PBRM1: variants seen among roughly 807,000 people sequenced by gnomAD.
The protein encoded by PBRM1 is protein polybromo-1.
In PBRM1, 27 loss-of-function variants were observed where a neutral mutation model predicts 194.5. The ratio of observed to expected loss-of-function variants is 0.14; its 90% CI spans 0.10 to 0.19. The LOEUF is 0.19. Among genes scored for constraint, PBRM1 ranks in the 10% least tolerant of loss-of-function variants. The pLI, the probability that PBRM1 is intolerant of heterozygous loss-of-function variation, is 1.00. For missense variants in PBRM1, 1,466 were observed against 2,077.2 expected (o/e 0.71, Z 5.72); for synonymous variants, 655 against 693.2 (o/e 0.94, Z 0.87).
intron 20 of PBRM1, among the ~76,000 whole-genome samples, chr3:52,584,849 G>C (rs1310864605): frequency 6.6e-6 from 1 of 151,994 alleles, no homozygotes; most frequent in Non-Finnish European, 1.5e-5. Context: ...AGAACAGTAA[G>C]CCCCTTTGTC....
chr3:52,583,625 C>A (rs1226653375), intron 20 of PBRM1, among the ~76,000 whole-genome samples: 1 of 152,004 alleles, frequency 6.6e-6, no homozygotes, highest in East Asian at 1.9e-4. Flanking sequence ...CCCCCCTAGA[C>A]CCTAAAGAGC....
At chr3:52,633,258 T>C (rs1279636789) in intron 11 of PBRM1, among the ~76,000 whole-genome samples, 1 of 152,160 alleles carries the variant, frequency 6.6e-6, no homozygotes, top group Non-Finnish European at 1.5e-5. Flanking sequence ...AATACTCATA[T>C]CAATAGAATC....
intron 4 of PBRM1, among the ~76,000 whole-genome samples, chr3:52,660,991 C>A (rs892025897): frequency 1.3e-5 from 2 of 152,086 alleles, no homozygotes; most frequent in Admixed American, 1.3e-4. Flanking sequence ...CTCTACTATT[C>A]TTTTTTCTCT....
chr3:52,668,913 T>C (rs1391936059), intron 2 of PBRM1, among the ~76,000 whole-genome samples: 2 of 152,142 alleles, frequency 1.3e-5, no homozygotes, highest in African/African-American at 2.4e-5. Flanking sequence ...GTCTTTTATA[T>C]GCTAACTGTT....
chr3:52,605,221 A>T (rs983161617), intron 16 of PBRM1, among the ~76,000 whole-genome samples: 7 of 152,050 alleles, frequency 4.6e-5, no homozygotes, highest in Admixed American at 3.3e-4. Context: ...TAATTTTAAA[A>T]TTTTTTGTAG....
chr3:52,657,844 A>G (rs533923742), intron 5 of PBRM1, among the ~76,000 whole-genome samples: 2 of 147,486 alleles, frequency 1.4e-5, no homozygotes, highest in Non-Finnish European at 1.5e-5. Context: ...CTGGAGTGCA[A>G]TGGCGCAATC....
At chr3:52,644,479 G>A (rs1175594492) in intron 8 of PBRM1, among the ~76,000 whole-genome samples, 1 of 152,026 alleles carries the variant, frequency 6.6e-6, no homozygotes, top group African/African-American at 2.4e-5. Context: ...CTGCCTCCCG[G>A]GTTCAAGCAA....
chr3:52,666,256 AT>A (rs1292130713), intron 3 of PBRM1, among the ~76,000 whole-genome samples: 1 of 152,166 alleles, frequency 6.6e-6, no homozygotes, highest in African/African-American at 2.4e-5. Context: ...TCTCTTAAAA[AT>A]AAGGCCAGGC....
upstream of PBRM1, chr3:52,681,614 T>A (rs1396689019): frequency 2.1e-6 from 1 of 466,272 alleles, no homozygotes; most frequent in Non-Finnish European, 2.9e-6. Context: ...GTGGAAAGGA[T>A]AACAAAAATT....
rs577075676 is a variant in PBRM1, at chr3:52,576,530, C to A, written c.3691+11G>T. 6.3e-7 allele frequency: 1 copy of A among 1,581,324 alleles called. No individual in the cohort carries two copies. The highest frequency in any genetic ancestry group is 8.6e-7 in the Non-Finnish European group (1 of 1,168,266). ...ATAAACACGATTAAATAAAAAAGCA[C>A]AAATACCTACCGAGAATACATGTCA... On this transcript the variant is annotated intron_variant, in intron 22 of 29. Transcript: ENST00000296302.
intron 22 of PBRM1, among the ~76,000 whole-genome samples, chr3:52,568,163 C>T (rs1387656638): frequency 6.6e-6 from 1 of 151,050 alleles, no homozygotes; most frequent in Non-Finnish European, 1.5e-5. Context: ...AGTTTTAGTA[C>T]AGACAGGGTT....
At chr3:52,647,828 G>A (rs966405431) in intron 7 of PBRM1, among the ~76,000 whole-genome samples, 14 of 152,098 alleles carry the variant, frequency 9.2e-5, no homozygotes, top group Admixed American at 9.2e-4. Flanking sequence ...GGCTAGAGAA[G>A]TTGGGGGGAC....
intron 17 of PBRM1, 143 bp from the exon 20 acceptor site, chr3:52,589,398 CA>C (rs1269164678): frequency 2.0e-6 from 1 of 494,618 alleles, no homozygotes. Context: ...CAGGAATCAG[CA>C]ATAGTATGAT....
chr3:52,584,559 G>T (rs1200207628), intron 20 of PBRM1, among the ~76,000 whole-genome samples: 4 of 149,742 alleles, frequency 2.7e-5, no homozygotes, highest in African/African-American at 9.9e-5. Context: ...GGGCTCATGG[G>T]ATACCCCCAT....
chr3:52,632,586 G>C (rs1322549063), intron 11 of PBRM1, among the ~76,000 whole-genome samples: 35 of 151,708 alleles, frequency 2.3e-4, no homozygotes, highest in Admixed American at 2.3e-3. Context: ...AAGCAAATTT[G>C]ATATTGGGAG....
At chr3:52,570,370 C>G (rs528318203) in intron 22 of PBRM1, among the ~76,000 whole-genome samples, 4 of 152,156 alleles carry the variant, frequency 2.6e-5, no homozygotes, top group Non-Finnish European at 5.9e-5. Flanking sequence ...GAAACATTTC[C>G]AAAGCTTAAA....
intron 25 of PBRM1, among the ~76,000 whole-genome samples, chr3:52,558,903 C>T (rs572340802): frequency 2.0e-5 from 3 of 152,202 alleles, no homozygotes; most frequent in Non-Finnish European, 2.9e-5. Flanking sequence ...GGACTCATCA[C>T]GAGTGTCATG....
In PBRM1 at chr3:52,628,209, G is replaced by A. The variant is rs572185400; in HGVS notation, c.1443+685C>T. On this transcript the variant is annotated intron_variant, in intron 12 of 29. Coordinates refer to ENST00000296302, the Ensembl canonical transcript of PBRM1. Reference sequence around the variant, plus strand: ...ACTTTAACAAAGTCTAGAACCAAAGGAATAAAATCTAAATGATGGAATATC... The same window carrying A: ...ACTTTAACAAAGTCTAGAACCAAAGAAATAAAATCTAAATGATGGAATATC... Among the ~76,000 whole-genome samples, 25 of 151,828 alleles carry A rather than the reference G, an allele frequency of 1.6e-4. No homozygotes were observed. In the South Asian group the frequency reaches 2.3e-3, roughly 14 times the overall value.
intron 27 of PBRM1, among the ~76,000 whole-genome samples, 179 bp from the exon 30 acceptor site, chr3:52,550,996 C>T (rs1450745740): frequency 6.6e-6 from 1 of 152,194 alleles, no homozygotes; most frequent in Non-Finnish European, 1.5e-5. Context: ...TGTTTTGTTT[C>T]TAGGTACTTA....
Sources: allele counts gnomAD v4.1 joint callset (sites outside exome capture counted in the v4.1 genomes callset), GRCh38; gene constraint gnomAD v4.1.1; transcripts MANE v1.5; gene names NCBI Gene and HGNC (gene_info 2026-07-23, HGNC 2026-07-21).